STK32A: variants seen among roughly 807,000 people sequenced by gnomAD.
STK32A encodes serine/threonine kinase 32A.
Under a neutral mutation model 53.2 loss-of-function variants are expected in STK32A, and 41 were observed. The ratio of observed to expected loss-of-function variants is 0.77; its 90% CI spans 0.60 to 1.00. STK32A has a LOEUF of 1.00. Ranked by LOEUF, STK32A falls within the 50% of genes least tolerant of loss-of-function variation. The pLI is 0.00. For synonymous variants in STK32A, 166 were observed against 162.8 expected (o/e 1.02, Z -0.15); for missense variants, 458 against 485.8 (o/e 0.94, Z 0.54).
the STK32A span, chr5:147,393,870 A>C: frequency 1.4e-6 from 1 of 705,736 alleles, no homozygotes. Flanking sequence ...ATATTCGTAA[A>C]GCTAGGCAAG....
At chr5:147,376,981 A>T (rs1757257163) in intron 11 of STK32A, among the ~76,000 whole-genome samples, 1 of 152,204 alleles carries the variant, frequency 6.6e-6, no homozygotes, top group Admixed American at 6.5e-5. Context: ...GACATCTGTT[A>T]TGAATATAGA....
chr5:147,361,234 A>G (rs750999845), intron 7 of STK32A, among the ~76,000 whole-genome samples: 1 of 152,190 alleles, frequency 6.6e-6, no homozygotes, highest in Non-Finnish European at 1.5e-5. Context: ...TTGAGGCCCA[A>G]TAGGACCCAA....
intron 2 of STK32A, among the ~76,000 whole-genome samples, chr5:147,250,941 CAAAAAAAAA>C (rs71001422): frequency 9.9e-6 from 1 of 101,178 alleles, no homozygotes; most frequent in South Asian, 3.5e-4. Flanking sequence ...GACTCCATCT[CAAAAAAAAA>C]AAAAAAAAAA....
intron 6 of STK32A, among the ~76,000 whole-genome samples, chr5:147,349,769 C>G (rs1755868789): frequency 6.6e-6 from 1 of 152,058 alleles, no homozygotes; most frequent in Non-Finnish European, 1.5e-5. Flanking sequence ...AGGCAGAACC[C>G]AGGCCTCCTG....
At chr5:147,365,486 G>C (rs1454730349) in intron 8 of STK32A, among the ~76,000 whole-genome samples, 1 of 150,928 alleles carries the variant, frequency 6.6e-6, no homozygotes, top group African/African-American at 2.4e-5. Context: ...TTTATCTCCT[G>C]ATGGGCTTTT....
At chr5:147,243,975 A>G (rs1465752180) in intron 2 of STK32A, among the ~76,000 whole-genome samples, 2 of 152,124 alleles carry the variant, frequency 1.3e-5, no homozygotes, top group African/African-American at 4.8e-5. Flanking sequence ...CATCACCACT[A>G]CCCATCTTCA....
intron 4 of STK32A, among the ~76,000 whole-genome samples, chr5:147,285,129 A>G (rs1223570076): frequency 6.6e-6 from 1 of 152,196 alleles, no homozygotes; most frequent in Non-Finnish European, 1.5e-5. Flanking sequence ...AACAGAATAG[A>G]GAACACAGAA....
At chr5:147,366,756 T>A (rs1007873493) in intron 8 of STK32A, among the ~76,000 whole-genome samples, 2 of 152,206 alleles carry the variant, frequency 1.3e-5, no homozygotes, top group African/African-American at 4.8e-5. Context: ...TCTTAGCAGT[T>A]TGTTGCATTC....
chr5:147,274,372 T>G (rs1354975557), intron 2 of STK32A, among the ~76,000 whole-genome samples: 1 of 152,180 alleles, frequency 6.6e-6, no homozygotes, highest in African/African-American at 2.4e-5. Flanking sequence ...AAAGACCCAG[T>G]GTCTCCAGAC....
At chr5:147,335,625 C>A (rs1465194005) in intron 5 of STK32A, among the ~76,000 whole-genome samples, 1 of 152,198 alleles carries the variant, frequency 6.6e-6, no homozygotes, top group Non-Finnish European at 1.5e-5. Context: ...GAACATAATT[C>A]TTTCTGATAC....
intron 4 of STK32A, among the ~76,000 whole-genome samples, chr5:147,289,036 C>T (rs538566925): frequency 6.6e-6 from 1 of 152,282 alleles, no homozygotes; most frequent in Non-Finnish European, 1.5e-5. Flanking sequence ...TCCTATGGTT[C>T]ATTGTGGACA....
chr5:147,379,390 G>T (rs1346828198), intron 11 of STK32A, among the ~76,000 whole-genome samples: 1 of 151,936 alleles, frequency 6.6e-6, no homozygotes, highest in Non-Finnish European at 1.5e-5. Context: ...CATAACTAAA[G>T]TTTTGCATTT....
chr5:147,274,073 T>A (rs1755153898), intron 2 of STK32A, among the ~76,000 whole-genome samples: 1 of 152,212 alleles, frequency 6.6e-6, no homozygotes, highest in South Asian at 2.1e-4. Flanking sequence ...GATATTTACT[T>A]TTTCAATATT....
chr5:147,341,015 G>A (rs188921106), intron 5 of STK32A, among the ~76,000 whole-genome samples: 2 of 152,318 alleles, frequency 1.3e-5, no homozygotes, highest in East Asian at 3.9e-4. Flanking sequence ...ACACAATGAT[G>A]TATGGATTCA....
At chr5:147,390,431 G>GA (rs1212692695), downstream of STK32A, among the ~76,000 whole-genome samples, 1 of 115,298 alleles carries the variant, frequency 8.7e-6, no homozygotes, top group African/African-American at 3.7e-5. Flanking sequence ...AAAAGAAGCA[G>GA]AAAATGCTTC....
chr5:147,394,700 A>G, the STK32A span, among the ~76,000 whole-genome samples: 1 of 152,030 alleles, frequency 6.6e-6, no homozygotes, highest in East Asian at 1.9e-4. Flanking sequence ...AAAAGGCAAA[A>G]ACTTTGAAAA....
Position 147,307,077 on chromosome 5 carries a change from T to C in STK32A, c.261-16821T>C, listed in dbSNP as rs562489901. On this transcript the variant is annotated intron_variant, in intron 4 of 12. Transcript: ENST00000397936. ...CTTTTGTTTTTATGGGTAAAAAATA[T>C]AGCGACCATAATATACCAGAAGTAA... Among the ~76,000 whole-genome samples, 225 of 152,158 alleles carry C rather than the reference T, an allele frequency of 1.5e-3. 2 individuals are homozygous for C. Among genetic ancestry groups the C allele is most frequent in the Non-Finnish European group, 2.8e-3 (189 of 67,986 alleles).
At position 147,384,654 on chromosome 5, in the gene STK32A, G is replaced by A; in HGVS notation, c.*671G>A. ...ATGTGAAAGTGGTAACTTGAAATTG[G>A]TAATAATGGGAGCATTTACACCACG... On this transcript the variant is annotated 3_prime_UTR_variant, in exon 13 of 13. Transcript: ENST00000397936. 2.3e-6 allele frequency: 1 copy of A among 437,394 alleles called. No homozygotes were observed. The highest frequency in any genetic ancestry group is 4.0e-6 in the Non-Finnish European group (1 of 248,188). The allele number at this position is 437,394 out of a possible 1,614,324, so 27.1% of individuals were successfully genotyped here. A position where few individuals can be genotyped will look rare whatever the true frequency, so the allele number is the denominator to read the frequency against.
At chr5:147,359,115 CT>C (rs1561745685) in intron 7 of STK32A, among the ~76,000 whole-genome samples, 2 of 152,196 alleles carry the variant, frequency 1.3e-5, no homozygotes, top group East Asian at 3.9e-4. Flanking sequence ...TACTCAGTGG[CT>C]TTTTTGAAGG....
Sources: allele counts gnomAD v4.1 joint callset (sites outside exome capture counted in the v4.1 genomes callset), GRCh38; gene constraint gnomAD v4.1.1; transcripts MANE v1.5; gene names NCBI Gene and HGNC (gene_info 2026-07-23, HGNC 2026-07-21).